The following KIF6 variants were observed in gnomAD, a reference collection of about 807,000 sequenced individuals.
The protein encoded by KIF6 is kinesin-like protein KIF6.
In KIF6, 106 loss-of-function variants were observed where a neutral mutation model predicts 112.7. The ratio of observed to expected loss-of-function variants is 0.94; its 90% CI spans 0.80 to 1.11. The LOEUF (loss-of-function observed/expected upper bound fraction) is 1.11. KIF6 is among the 50% of genes least tolerant of loss of function. KIF6 has a pLI of 0.00. For synonymous variants in KIF6, 339 were observed against 339.9 expected (o/e 1.00, Z 0.03); for missense variants, 929 against 964.0 (o/e 0.96, Z 0.48).
At chr6:39,649,205 G>A (rs1233289630) in intron 3 of KIF6, among the ~76,000 whole-genome samples, 1 of 151,986 alleles carries the variant, frequency 6.6e-6, no homozygotes, top group African/African-American at 2.4e-5. Flanking sequence ...GCATGTTCTG[G>A]CAACATCATT....
chr6:39,559,239 C>G (rs1017080048), intron 10 of KIF6, among the ~76,000 whole-genome samples: 1 of 152,054 alleles, frequency 6.6e-6, no homozygotes, highest in Non-Finnish European at 1.5e-5. Context: ...AAGAAGGAGC[C>G]TAGGAGTCAA....
chr6:39,621,219 ACACACACACACACG>A (rs1783798916), intron 5 of KIF6, among the ~76,000 whole-genome samples: 1 of 136,574 alleles, frequency 7.3e-6, no homozygotes, highest in Admixed American at 7.5e-5. Context: ...ACACACACAC[ACACACACACACACG>A]TACACATATA....
intron 3 of KIF6, among the ~76,000 whole-genome samples, chr6:39,710,306 G>A (rs753688734): frequency 6.6e-6 from 1 of 152,104 alleles, no homozygotes; most frequent in African/African-American, 2.4e-5. Context: ...CACATGGGTA[G>A]GCCACAGTGA....
intron 3 of KIF6, among the ~76,000 whole-genome samples, chr6:39,704,687 G>A (rs2113848215): frequency 6.6e-6 from 1 of 152,218 alleles, no homozygotes; most frequent in Middle Eastern, 3.4e-3. Flanking sequence ...GAGCTAATAA[G>A]TATTAAAGTT....
At chr6:39,653,420 T>A (rs1263435168) in intron 3 of KIF6, among the ~76,000 whole-genome samples, 1 of 152,168 alleles carries the variant, frequency 6.6e-6, no homozygotes, top group East Asian at 1.9e-4. Context: ...GAATTACTAA[T>A]CTTTTTAAGG....
chr6:39,416,239 A>T (rs1264369101), intron 15 of KIF6, among the ~76,000 whole-genome samples: 3 of 152,264 alleles, frequency 2.0e-5, no homozygotes, highest in Admixed American at 2.0e-4. Flanking sequence ...TGATGTAAAA[A>T]AACTAATGCC....
At chr6:39,611,835 GATT>G (rs1184762453) in intron 6 of KIF6, among the ~76,000 whole-genome samples, 1 of 151,998 alleles carries the variant, frequency 6.6e-6, no homozygotes, top group African/African-American at 2.4e-5. Flanking sequence ...CTTAATCTTC[GATT>G]ATTATGACAA....
chr6:39,456,990 G>A (rs1773163900), intron 13 of KIF6, among the ~76,000 whole-genome samples: 1 of 145,558 alleles, frequency 6.9e-6, no homozygotes, highest in African/African-American at 2.6e-5. Flanking sequence ...GGATACCCAG[G>A]AATTGAACTC....
intron 13 of KIF6, among the ~76,000 whole-genome samples, chr6:39,474,855 C>A (rs568271265): frequency 6.6e-6 from 1 of 152,234 alleles, no homozygotes; most frequent in African/African-American, 2.4e-5. Context: ...GGGCCTACTG[C>A]CTGTGGCATA....
chr6:39,333,865 A>C lies in KIF6; in HGVS notation c.*2667T>G, dbSNP rs888136642. The C allele has an allele frequency of 6.6e-6, 1 of 152,200 alleles. No homozygotes were observed. Among genetic ancestry groups the C allele is most frequent in the Non-Finnish European group, 1.5e-5 (1 of 68,028 alleles). The allele number at this position is 152,200 out of a possible 1,614,324, so 9.4% of individuals were successfully genotyped here. ...GCTGCTTTCCAGAAAATGTTTTTGA[A>C]AATCCCACATTTTGGCCTAGAGTGA... On this transcript the variant is annotated 3_prime_UTR_variant, in exon 23 of 23. Coordinates refer to ENST00000287152, the MANE Select transcript of KIF6 (RefSeq NM_145027.6).
At chr6:39,441,967 G>A (rs1771944097) in intron 13 of KIF6, among the ~76,000 whole-genome samples, 1 of 152,110 alleles carries the variant, frequency 6.6e-6, no homozygotes, top group South Asian at 2.1e-4. Flanking sequence ...CTAGGGAGGA[G>A]AGCGAAGGGA....
chr6:39,622,247 C>T (rs1315778949), intron 5 of KIF6, among the ~76,000 whole-genome samples: 1 of 150,574 alleles, frequency 6.6e-6, no homozygotes, highest in Non-Finnish European at 1.5e-5. Flanking sequence ...CTTTTGTCTA[C>T]TTATTTGGGG....
chr6:39,359,886 G>A (rs1764998558), intron 18 of KIF6, among the ~76,000 whole-genome samples: 1 of 152,132 alleles, frequency 6.6e-6, no homozygotes, highest in Non-Finnish European at 1.5e-5. Context: ...ACCGTGCCCA[G>A]CCTGATTCTA....
intron 3 of KIF6, chr6:39,691,304 T>C (rs924141668): frequency 6.6e-6 from 1 of 152,212 alleles, no homozygotes; most frequent in Non-Finnish European, 1.5e-5. Flanking sequence ...AAAGCTCCCT[T>C]ATGATAACCT....
chr6:39,552,793 C>T (rs1056211355), intron 10 of KIF6, among the ~76,000 whole-genome samples: 1 of 151,956 alleles, frequency 6.6e-6, no homozygotes, highest in South Asian at 2.1e-4. Flanking sequence ...TGGTAGGGGG[C>T]AAAGGATGGG....
At chr6:39,484,369 A>T (rs978161439) in intron 13 of KIF6, among the ~76,000 whole-genome samples, 2 of 152,208 alleles carry the variant, frequency 1.3e-5, no homozygotes, top group Non-Finnish European at 2.9e-5. Flanking sequence ...CAGTTCAGTG[A>T]CCATGAAGAT....
intron 1 of KIF6, among the ~76,000 whole-genome samples, chr6:39,723,377 T>A (rs1790337159): frequency 6.6e-6 from 1 of 152,148 alleles, no homozygotes; most frequent in African/African-American, 2.4e-5. Context: ...TTGCCTAAAT[T>A]GTCACTTTGA....
chr6:39,618,858 C>T (rs1263093268), intron 5 of KIF6, among the ~76,000 whole-genome samples: 1 of 152,182 alleles, frequency 6.6e-6, no homozygotes, highest in Non-Finnish European at 1.5e-5. Flanking sequence ...CTAAGTCCCT[C>T]CTTTGAGACG....
intron 13 of KIF6, among the ~76,000 whole-genome samples, chr6:39,469,816 A>G (rs551159325): frequency 1.3e-5 from 2 of 152,340 alleles, no homozygotes; most frequent in East Asian, 3.9e-4. Context: ...AAAGGAAACT[A>G]ACATAATCAA....
Sources: gnomAD v4.1 joint callset for allele counts (sites outside exome capture counted in the v4.1 genomes callset) on GRCh38, gnomAD v4.1.1 for gene constraint, MANE v1.5 for transcripts, NCBI Gene and HGNC (gene_info 2026-07-23, HGNC 2026-07-21) for gene names.